The following ERG variants were observed in gnomAD, a reference collection of about 807,000 sequenced individuals.
The protein encoded by ERG is ETS transcription factor ERG.
Under a neutral mutation model 55.3 loss-of-function variants are expected in ERG, and 9 were observed. The observed-to-expected ratio is 0.16, with a 90% CI of 0.10 to 0.28. ERG has a LOEUF of 0.28. ERG is among the 10% of genes least tolerant of loss of function. The pLI is 1.00. For synonymous variants in ERG, 223 were observed against 237.3 expected, an observed-to-expected ratio of 0.94 and a Z score of 0.55; for missense variants, 434 against 631.6, an observed-to-expected ratio of 0.69 and a Z score of 3.35.
rs1987360923 is a variant in ERG at position 38,380,190 on chromosome 21, C to T, written c.*3213G>A. ...GTCACTTTGGGGCGCTGCAGAACAT[C>T]TGTGCTTTCCCTGTGCCCCATCACC... is the stretch of plus-strand genomic sequence containing the variant. On this transcript the variant is annotated 3_prime_UTR_variant, in exon 10 of 10. Coordinates refer to ENST00000288319, the MANE Select transcript of ERG (RefSeq NM_182918.4). The T allele has an allele frequency of 9.5e-7, 1 of 1,049,114 alleles. No individual in the cohort carries two copies. Among genetic ancestry groups the T allele is most frequent in the Non-Finnish European group, 1.2e-6 (1 of 869,310 alleles). 65.0% of individuals were successfully genotyped at this position (1,049,114 alleles called of 1,614,324 possible). A position where few individuals can be genotyped will look rare whatever the true frequency, so the allele number is the denominator to read the frequency against.
upstream of ERG, among the ~76,000 whole-genome samples, chr21:38,588,318 C>A (rs528101551): frequency 1.4e-5 from 2 of 140,782 alleles, no homozygotes; most frequent in Admixed American, 7.2e-5. Flanking sequence ...AGACACCCCC[C>A]ACCACCACCA....
chr21:38,434,074 C>T (rs1031540537), intron 2 of ERG, among the ~76,000 whole-genome samples: 1 of 152,152 alleles, frequency 6.6e-6, no homozygotes, highest in Non-Finnish European at 1.5e-5. Flanking sequence ...CCAACCTAAC[C>T]CCCATCATGG....
chr21:38,471,800 A>G (rs2059141661), intron 1 of ERG: 2 of 152,270 alleles, frequency 1.3e-5, no homozygotes, highest in Non-Finnish European at 2.9e-5. Flanking sequence ...AATAATGGAA[A>G]GTAATTCCTT....
chr21:38,614,490 C>T (rs1048043115), intron 1 of ERG, among the ~76,000 whole-genome samples: 1 of 152,268 alleles, frequency 6.6e-6, no homozygotes, highest in Admixed American at 6.5e-5. Context: ...CTCTTCCATC[C>T]TTGGGACCAC....
intron 1 of ERG, among the ~76,000 whole-genome samples, chr21:38,467,485 G>A (rs1442433312): frequency 6.6e-6 from 1 of 152,190 alleles, no homozygotes; most frequent in African/African-American, 2.4e-5. Flanking sequence ...GTGCTTCTGC[G>A]GGTGTGGAGG....
At chr21:38,450,836 A>G in intron 1 of ERG, 1 of 447,390 alleles carries the variant, frequency 2.2e-6, no homozygotes, top group Non-Finnish European at 4.5e-6. Context: ...TTTATATCCA[A>G]TGACATCTTA....
chr21:38,610,050 A>G (rs554756410), intron 1 of ERG, among the ~76,000 whole-genome samples: 30 of 152,250 alleles, frequency 2.0e-4, no homozygotes, highest in Non-Finnish European at 4.0e-4. Context: ...TGGTGCCTTT[A>G]GAGTGGCGAG....
intron 2 of ERG, among the ~76,000 whole-genome samples, chr21:38,505,262 C>T (rs114788585): frequency 4.1e-4 from 63 of 152,304 alleles, no homozygotes; most frequent in African/African-American, 1.4e-3. Flanking sequence ...GCACAGGACA[C>T]TGGGAGTCTG....
Position 38,484,319 on chromosome 21 carries a change from T to C in ERG, c.18+14044A>G, listed in dbSNP as rs145376881. On this transcript the variant is annotated intron_variant, in intron 1 of 9. Transcript: ENST00000288319. ...ACCAGCAATATGATAATTCAATAGA[T>C]CCCTGCTCACCTCCCCTAAAGAATG... Among the ~76,000 whole-genome samples the C allele has an allele frequency of 2.5e-3, 382 of 152,224 alleles. 5 individuals carry two copies. Among genetic ancestry groups the C allele is most frequent in the African/African-American group, 7.9e-3 (327 of 41,522 alleles).
intron 1 of ERG, among the ~76,000 whole-genome samples, chr21:38,576,368 G>A (rs2059994658): frequency 6.6e-6 from 1 of 152,080 alleles, no homozygotes; most frequent in Non-Finnish European, 1.5e-5. Context: ...AGGATCACCT[G>A]GTTAATAAGC....
At position 38,401,235 on chromosome 21, in the gene ERG, T is replaced by C. The variant is rs149835307; in HGVS notation, c.674-590A>G. Among the ~76,000 whole-genome samples the C allele has an allele frequency of 2.4e-4, 36 of 152,338 alleles. No homozygotes were observed. The East Asian group carries it at 6.9e-3, about 29-fold the overall frequency. On this transcript the variant is annotated intron_variant, in intron 5 of 9. Coordinates refer to ENST00000288319, the MANE Select transcript of ERG (RefSeq NM_182918.4). ...CATTGGTTTCTTCCGTGTTTAACAA[T>C]AGCAAAATTTAATATATTTGGAGCT... is the stretch of plus-strand genomic sequence containing the variant.
At chr21:38,494,540 C>T (rs950940022) in intron 1 of ERG, among the ~76,000 whole-genome samples, 13 of 152,212 alleles carry the variant, frequency 8.5e-5, no homozygotes, top group Non-Finnish European at 1.8e-4. Context: ...CTGAAGACAA[C>T]AGAAATGGTT....
Position 38,381,294 on chromosome 21 carries a change from A to G in ERG, c.*2109T>C, listed in dbSNP as rs1987423052. Reference sequence around the variant, plus strand: ...AAGATGTTTCGGCTAGCGCCTTCGCACGGTCACCTTGTATTTTCACCTTTT... The same window carrying G: ...AAGATGTTTCGGCTAGCGCCTTCGCGCGGTCACCTTGTATTTTCACCTTTT... On this transcript the variant is annotated 3_prime_UTR_variant, in exon 10 of 10. Transcript: ENST00000288319. The G allele has an allele frequency of 2.8e-6, 3 of 1,065,134 alleles. No individual in the cohort carries two copies. The highest frequency in any genetic ancestry group is 3.4e-6 in the Non-Finnish European group (3 of 879,184). The allele number at this position is 1,065,134 out of a possible 1,614,324, so 66.0% of individuals were successfully genotyped here.
At chr21:38,486,016 C>G (rs993645999) in intron 1 of ERG, among the ~76,000 whole-genome samples, 1 of 151,994 alleles carries the variant, frequency 6.6e-6, no homozygotes, top group Non-Finnish European at 1.5e-5. Context: ...TCACAGCAAC[C>G]TTTGCCTCCC....
At position 38,392,438 on chromosome 21, in the gene ERG, G is replaced by T; in HGVS notation, c.752C>A (p.Pro251Gln). ...GGCTGATCTCCTGGGGGGCTCATAT[G>T]GTAAATCTGTAAAGACAAATAAATT... The part of the protein sequence containing the change: ...TQRITTRPDL[P>Q]YEPPRRSAWT... Residue 251 changes from proline (P) to glutamine (Q), a missense_variant, in exon 7 of 10, where the codon CCA becomes CAA. Around this residue, in one of 5 missense-constraint regions of ERG, gnomAD observed 99 missense variants for 145.6 expected, o/e 0.68. Coordinates refer to ENST00000288319, the MANE Select transcript of ERG (RefSeq NM_182918.4). The T allele has an allele frequency of 6.5e-7, 1 of 1,532,142 alleles. No individual in the cohort carries two copies. Among genetic ancestry groups the T allele is most frequent in the Non-Finnish European group, 8.8e-7 (1 of 1,138,782 alleles). 94.9% of individuals were successfully genotyped at this position (1,532,142 alleles called of 1,614,324 possible). A position where few individuals can be genotyped will look rare whatever the true frequency, so the allele number is the denominator to read the frequency against.
chr21:38,489,283 T>C (rs981263260), intron 1 of ERG, among the ~76,000 whole-genome samples: 2 of 152,340 alleles, frequency 1.3e-5, no homozygotes, highest in African/African-American at 2.4e-5. Context: ...CTTATCAAAA[T>C]TGGTTACAAT....
At chr21:38,576,259 C>T (rs988474982) in intron 1 of ERG, among the ~76,000 whole-genome samples, 1 of 152,216 alleles carries the variant, frequency 6.6e-6, no homozygotes, top group Non-Finnish European at 1.5e-5. Context: ...AAGGGCTCCA[C>T]ACACATTTTC....
At chr21:38,511,208 T>A (rs1040357263) in intron 2 of ERG, among the ~76,000 whole-genome samples, 1 of 152,198 alleles carries the variant, frequency 6.6e-6, no homozygotes, top group African/African-American at 2.4e-5. Context: ...CCCAAATGAA[T>A]AAATCAATCA....
chr21:38,459,062 T>C (rs1167673919), intron 1 of ERG, among the ~76,000 whole-genome samples: 1 of 152,180 alleles, frequency 6.6e-6, no homozygotes, highest in East Asian at 1.9e-4. Context: ...CTCCTTTTTC[T>C]CTCCTCATTC....
Sources: allele counts gnomAD v4.1 joint callset (sites outside exome capture counted in the v4.1 genomes callset), GRCh38; gene constraint gnomAD v4.1.1; regional missense constraint gnomAD v4.1.1; transcripts MANE v1.5; gene names NCBI Gene and HGNC (gene_info 2026-07-23, HGNC 2026-07-21).